The following PANK1 variants were observed in gnomAD, a reference collection of about 807,000 sequenced individuals.
PANK1 encodes pantothenic acid kinase 1.
In PANK1, 18 loss-of-function variants were observed where a neutral mutation model predicts 40.1. The observed-to-expected ratio is 0.45, with a 90% confidence interval of 0.31 to 0.67. The LOEUF (loss-of-function observed/expected upper bound fraction) is 0.67. PANK1 is among the 30% of genes least tolerant of loss of function. The probability of loss-of-function intolerance (pLI) is 0.06; values close to 1 mark genes in which losing one functional copy is unlikely to be tolerated. For synonymous variants in PANK1, 242 were observed against 237.7 expected (o/e 1.02, Z -0.17); for missense variants, 457 against 599.6 (o/e 0.76, Z 2.48).
chr10:89,630,700 G>C (rs769506769), intron 1 of PANK1, among the ~76,000 whole-genome samples: 3 of 152,114 alleles, frequency 2.0e-5, no homozygotes, highest in Non-Finnish European at 2.9e-5. Flanking sequence ...CACTGTGTTA[G>C]CCAGGATGGT....
rs549869662 is a variant in PANK1 at position 89,599,372 on chromosome 10, C to A, written c.779G>T (p.Cys260Phe). 1 of 1,613,966 alleles carries A rather than the reference C, an allele frequency of 6.2e-7. No individual in the cohort carries two copies. Among genetic ancestry groups the A allele is most frequent in the African/African-American group, 1.3e-5 (1 of 75,000 alleles). Reference sequence around the variant, plus strand: ...ATCAAGGCAGTACGGCTTTTTTTGACACAATTCAGGATTTGTGGGATTTTC... The same window carrying A: ...ATCAAGGCAGTACGGCTTTTTTTGAAACAATTCAGGATTTGTGGGATTTTC... Reference protein sequence around the residue: ...YFENPTNPELCQKKPYCLDNP... With the variant: ...YFENPTNPELFQKKPYCLDNP... Residue 260 changes from cysteine to phenylalanine, a missense_variant, in exon 3 of 7, where the codon TGT becomes TTT. Around this residue, in one of 4 missense-constraint regions of PANK1, gnomAD observed 286 missense variants for 415.8 expected, o/e 0.69. Transcript: ENST00000307534.
At chr10:89,620,606 C>T (rs1231960648) in intron 1 of PANK1, among the ~76,000 whole-genome samples, 2 of 152,214 alleles carry the variant, frequency 1.3e-5, no homozygotes, top group Non-Finnish European at 2.9e-5. Context: ...CATGGAACCT[C>T]ATCAGTAATT....
At chr10:89,586,538 A>G (rs1028581285) in intron 6 of PANK1, among the ~76,000 whole-genome samples, 2 of 152,240 alleles carry the variant, frequency 1.3e-5, no homozygotes, top group African/African-American at 2.4e-5. Flanking sequence ...CCTGTTTCAT[A>G]TACTTTAATA....
rs375814620 is a variant in PANK1 at position 89,587,556 on chromosome 10, T to G, written c.1326+1096A>C. Among the ~76,000 whole-genome samples, 8 of 149,646 alleles carry G rather than the reference T, an allele frequency of 5.3e-5. No individual in the cohort carries two copies. In the South Asian group the frequency reaches 1.1e-3, roughly 20 times the overall value. ...AATTTACTTCATAAGTATCTTTATC[T>G]TCTTAATCCACTTTAAGGAAACAAA... On this transcript the variant is annotated intron_variant, in intron 6 of 6. Transcript: ENST00000307534.
intron 1 of PANK1, among the ~76,000 whole-genome samples, chr10:89,616,903 A>G (rs1435007481): frequency 6.6e-6 from 1 of 151,364 alleles, no homozygotes; most frequent in Non-Finnish European, 1.5e-5. Context: ...CCTGGGGGAC[A>G]CAGTGAGACT....
chr10:89,623,862 C>T (rs868282747), intron 1 of PANK1, among the ~76,000 whole-genome samples: 73 of 152,156 alleles, frequency 4.8e-4, no homozygotes, highest in African/African-American at 1.7e-3. Flanking sequence ...ACAAGGGTTC[C>T]CTCAGGGTGG....
rs1430456334 is a variant in PANK1 at position 89,583,106 on chromosome 10, G to A, written c.*1300C>T. The A allele has an allele frequency of 6.6e-6, 1 of 152,138 alleles. No individual in the cohort carries two copies. Among genetic ancestry groups the A allele is most frequent in the African/African-American group, 2.4e-5 (1 of 41,448 alleles). The allele number at this position is 152,138 out of a possible 1,614,324, so 9.4% of individuals were successfully genotyped here. ...GGTGCTCAGAAGGCAGAGAAAGGAA[G>A]ATTCATCATGGAGTAATTGTTCTGT... On this transcript the variant is annotated 3_prime_UTR_variant, in exon 7 of 7. Transcript: ENST00000307534.
chr10:89,636,906 G>A (rs919275029), intron 1 of PANK1, among the ~76,000 whole-genome samples: 2 of 150,768 alleles, frequency 1.3e-5, no homozygotes, highest in Admixed American at 6.6e-5. Flanking sequence ...CTGTCGCCCA[G>A]GCTACAGTGC....
At chr10:89,608,982 AAAG>A (rs1214668165) in intron 2 of PANK1, among the ~76,000 whole-genome samples, 160 of 152,302 alleles carry the variant, frequency 1.1e-3, no homozygotes, top group Non-Finnish European at 1.7e-3. Flanking sequence ...CTAGTCACAC[AAAG>A]ACCCTGCCAG....
chr10:89,629,891 T>C (rs981943162), intron 1 of PANK1, among the ~76,000 whole-genome samples: 1 of 152,230 alleles, frequency 6.6e-6, no homozygotes, highest in African/African-American at 2.4e-5. Flanking sequence ...CTGAAAATGT[T>C]TCAGCTTCTT....
At chr10:89,585,443 G>A (rs1247435083) in intron 6 of PANK1, among the ~76,000 whole-genome samples, 1 of 152,160 alleles carries the variant, frequency 6.6e-6, no homozygotes, top group Non-Finnish European at 1.5e-5. Context: ...GAACTCAATA[G>A]TTATAACTGC....
intron 1 of PANK1, among the ~76,000 whole-genome samples, chr10:89,623,097 G>A (rs547140882): frequency 2.6e-5 from 4 of 152,118 alleles, no homozygotes; most frequent in Non-Finnish European, 5.9e-5. Flanking sequence ...AAATTAAATG[G>A]CTATTTGGAC....
At chr10:89,603,741 T>G (rs1158195979) in intron 2 of PANK1, among the ~76,000 whole-genome samples, 1 of 152,180 alleles carries the variant, frequency 6.6e-6, no homozygotes, top group Non-Finnish European at 1.5e-5. Context: ...CAGAATCACC[T>G]GGAGGGTTGG....
At chr10:89,580,266 T>G (rs953562716), downstream of PANK1, 1 of 152,266 alleles carries the variant, frequency 6.6e-6, no homozygotes, top group Non-Finnish European at 1.5e-5. Flanking sequence ...ATGTTAGGTA[T>G]TCAAAAGTAC....
chr10:89,598,317 T>C (rs1338385699), intron 3 of PANK1, among the ~76,000 whole-genome samples: 3 of 152,150 alleles, frequency 2.0e-5, no homozygotes, highest in Non-Finnish European at 2.9e-5. Context: ...AAAAAGTCTG[T>C]AGAAGCGATC....
chr10:89,631,422 C>T (rs1171537315), intron 1 of PANK1, among the ~76,000 whole-genome samples: 1 of 152,152 alleles, frequency 6.6e-6, no homozygotes, highest in Non-Finnish European at 1.5e-5. Context: ...TAGCAACACC[C>T]CTTCTTTAAA....
chr10:89,630,499 GT>G (rs34631109), intron 1 of PANK1, among the ~76,000 whole-genome samples: 7 of 71,156 alleles, frequency 9.8e-5, no homozygotes, highest in African/African-American at 2.3e-4. Flanking sequence ...CAGTTTTTTT[GT>G]TTTTTTTTTT....
intron 2 of PANK1, among the ~76,000 whole-genome samples, chr10:89,607,109 C>T (rs1403590638): frequency 1.3e-5 from 2 of 152,214 alleles, no homozygotes; most frequent in Admixed American, 6.5e-5. Flanking sequence ...TGGTCTGTCT[C>T]GGTTTTCACC....
chr10:89,590,412 C>T (rs1316777571), intron 5 of PANK1, among the ~76,000 whole-genome samples: 1 of 152,030 alleles, frequency 6.6e-6, no homozygotes, highest in Non-Finnish European at 1.5e-5. Context: ...AGTTTGATAA[C>T]TCTGTGGAGA....
Sources: allele counts gnomAD v4.1 joint callset (sites outside exome capture counted in the v4.1 genomes callset), GRCh38; gene constraint gnomAD v4.1.1; regional missense constraint gnomAD v4.1.1; transcripts MANE v1.5; gene names NCBI Gene and HGNC (gene_info 2026-07-23, HGNC 2026-07-21).